Variants in ASB6 observed in about 807,000 individuals in gnomAD.
ASB6 encodes the protein ankyrin repeat and SOCS box containing 6.
A neutral mutation model predicts 28.6 loss-of-function variants in ASB6; 24 were observed. The observed-to-expected ratio is 0.84, with a 90% confidence interval of 0.61 to 1.18. ASB6 has a LOEUF of 1.18. Among genes scored for constraint, ASB6 ranks in the 50% most tolerant of loss-of-function variants. ASB6 has a pLI of 0.00. For missense variants in ASB6, 519 were observed against 559.8 expected, an observed-to-expected ratio of 0.93 and a Z score of 0.74; for synonymous variants, 267 against 243.4, an observed-to-expected ratio of 1.10 and a Z score of -0.90.
chr9:129,642,096 T>C lies in ASB6; in HGVS notation c.-97A>G. 1.4e-6 allele frequency: 2 copies of C among 1,406,254 alleles called. No individual in the cohort carries two copies. The highest frequency in any genetic ancestry group is 1.9e-6 in the Non-Finnish European group (2 of 1,079,410). The allele number at this position is 1,406,254 out of a possible 1,614,324, so 87.1% of individuals were successfully genotyped here. On this transcript the variant is annotated 5_prime_UTR_variant, in exon 1 of 6. Transcript: ENST00000277458. The surrounding 1 kb of genome is among the most constrained non-coding windows in gnomAD (Gnocchi z 4.3). ...CGCTCCGGCGGCCGCGGACCCCACC[T>C]GCTCCGCCAGTCCAGCCCCTGCGCC...
In ASB6 at chr9:129,637,733, C is replaced by T; in HGVS notation, c.*57G>A. ...CCCTCTTCTAATGCTGTCCCAGCATCTACCAACAGGCTGACCTGAGCTGCC... is the reference window on the plus strand; with the variant it reads ...CCCTCTTCTAATGCTGTCCCAGCATTTACCAACAGGCTGACCTGAGCTGCC... On this transcript the variant is annotated 3_prime_UTR_variant, in exon 6 of 6. Coordinates refer to ENST00000277458, the MANE Select transcript of ASB6 (RefSeq NM_017873.4). 2.1e-6 allele frequency: 3 copies of T among 1,436,594 alleles called. No homozygotes were observed. The highest frequency in any genetic ancestry group is 2.8e-6 in the Non-Finnish European group (3 of 1,073,686). 89.0% of individuals were successfully genotyped at this position (1,436,594 alleles called of 1,614,324 possible).
intron 2 of ASB6, among the ~76,000 whole-genome samples, chr9:129,640,287 GA>G (rs1831663927): frequency 6.6e-6 from 1 of 152,250 alleles, no homozygotes; most frequent in Admixed American, 6.5e-5. Flanking sequence ...GGGAGCTGGG[GA>G]AAGTTTGCTA....
chr9:129,640,557 G>A lies in ASB6; in HGVS notation c.279C>T (p.Ala93=). ...RAADVLLRHG[A]NLNFEDPVTY... The stretch of plus-strand genomic sequence containing the variant: ...CTCGCTGACCTTCAAAGTTGAGATT[G>A]GCCCCATGCCGCAAGAGAACGTCGG... Residue 93 remains alanine (A), a synonymous_variant, in exon 2 of 6, where the codon GCC becomes GCT. Transcript: ENST00000277458. 1 of 1,610,086 alleles carries A rather than the reference G, an allele frequency of 6.2e-7. No individual in the cohort carries two copies. Among genetic ancestry groups the A allele is most frequent in the Non-Finnish European group, 8.5e-7 (1 of 1,178,892 alleles).
At position 129,640,568 on chromosome 9, in the gene ASB6, G is replaced by T; in HGVS notation, c.268C>A (p.Arg90=). The change falls in exon 2 of 6, where the codon CGG becomes AGG. Residue 90 remains arginine, a synonymous_variant. Transcript: ENST00000277458. ...GLTRAADVLL[R]HGANLNFEDP... ...TCAAAGTTGAGATTGGCCCCATGCC[G>T]CAAGAGAACGTCGGCCGCCCGCGTC... The T allele has an allele frequency of 6.2e-7, 1 of 1,611,460 alleles. No homozygotes were observed. The highest frequency in any genetic ancestry group is 2.2e-5 in the East Asian group (1 of 44,814).
rs997137728 is a variant in ASB6, at chr9:129,636,344, T to C, written c.*1446A>G. The stretch of plus-strand genomic sequence containing the variant: ...AGGCAGAGCTTGCAGTGAGGTGAGA[T>C]TGCGCCACTGCACTCCAGCCTAGGT... On this transcript the variant is annotated 3_prime_UTR_variant, in exon 6 of 6. Coordinates refer to ENST00000277458, the MANE Select transcript of ASB6 (RefSeq NM_017873.4). The C allele has an allele frequency of 2.7e-5, 4 of 150,652 alleles. No homozygotes were observed. The highest frequency in any genetic ancestry group is 5.9e-5 in the Non-Finnish European group (4 of 67,866). 9.3% of individuals were successfully genotyped at this position (150,652 alleles called of 1,614,324 possible). A position where few individuals can be genotyped will look rare whatever the true frequency, so the allele number is the denominator to read the frequency against.
rs1314264217 is a variant in ASB6, at chr9:129,636,863, CG to C, written c.*926del. 1 of 151,912 alleles carries C rather than the reference CG, an allele frequency of 6.6e-6. No individual in the cohort carries two copies. Among genetic ancestry groups the C allele is most frequent in the Non-Finnish European group, 1.5e-5 (1 of 68,002 alleles). 9.4% of individuals were successfully genotyped at this position (151,912 alleles called of 1,614,324 possible). A position where few individuals can be genotyped will look rare whatever the true frequency, so the allele number is the denominator to read the frequency against. On this transcript the variant is annotated 3_prime_UTR_variant, in exon 6 of 6. Transcript: ENST00000277458. ...GCCTCTATCCTGAACTATGGAGGGG[CG>C]GGGTGGAAATTTTATATAAGGACCT...
In ASB6 at chr9:129,635,468, G is replaced by A. The variant is rs369469508; in HGVS notation, c.*2322C>T. 87 of 1,601,776 alleles carry A rather than the reference G, an allele frequency of 5.4e-5. No individual in the cohort carries two copies. The highest frequency in any genetic ancestry group is 1.7e-4 in the Middle Eastern group (1 of 6,050). ...CTATAGCTTTGCCCTGAGATGAGCC[G>A]GGGCTGGCAGGAGAAACTGAGGAAC... On this transcript the variant is annotated 3_prime_UTR_variant, in exon 6 of 6. Transcript: ENST00000277458.
Position 129,635,718 on chromosome 9 carries a change from G to A in ASB6, c.*2072C>T. ...TGCGAGATGGGATTGGGTGGAAGGG[G>A]CTCCAGGGCTCCTGGTGCTCCCCAT... On this transcript the variant is annotated 3_prime_UTR_variant, in exon 6 of 6. Coordinates refer to ENST00000277458, the MANE Select transcript of ASB6 (RefSeq NM_017873.4). The A allele has an allele frequency of 2.2e-6, 1 of 454,594 alleles. No individual in the cohort carries two copies. The highest frequency in any genetic ancestry group is 3.1e-5 in the South Asian group (1 of 32,774). The allele number at this position is 454,594 out of a possible 1,614,324, so 28.2% of individuals were successfully genotyped here.
chr9:129,637,612 G>C lies in ASB6; in HGVS notation c.*178C>G. ...GGGCAGTCTCTCTGGAAGAACCAGA[G>C]CTGCACCCTTCACCACTGGAGTGAT... On this transcript the variant is annotated 3_prime_UTR_variant, in exon 6 of 6. Transcript: ENST00000277458. 1.8e-6 allele frequency: 1 copy of C among 543,408 alleles called. No individual in the cohort carries two copies. The highest frequency in any genetic ancestry group is 3.0e-6 in the Non-Finnish European group (1 of 335,888). The allele number at this position is 543,408 out of a possible 1,614,324, so 33.7% of individuals were successfully genotyped here. A position where few individuals can be genotyped will look rare whatever the true frequency, so the allele number is the denominator to read the frequency against.
At chr9:129,641,787 G>A (rs546307284) in intron 1 of ASB6, 100 bp downstream of exon 1, 2 of 1,254,466 alleles carry the variant, frequency 1.6e-6, no homozygotes, top group East Asian at 3.1e-5. Flanking sequence ...CCCTTCCTCT[G>A]TCAAGGGGGA....
At chr9:129,639,342 G>C in intron 3 of ASB6, 32 bp from the exon 4 acceptor site, 1 of 1,602,760 alleles carries the variant, frequency 6.2e-7, no homozygotes, top group South Asian at 1.1e-5. Flanking sequence ...AGGTTGGCTT[G>C]GGAAGCTGCT....
chr9:129,639,369 C>G, intron 3 of ASB6, 33 bp downstream of exon 3: 2 of 1,602,022 alleles, frequency 1.2e-6, no homozygotes, highest in Non-Finnish European at 1.7e-6. Context: ...CCTGCCCAAC[C>G]CTGCTTCAAA....
rs377512132 is a variant in ASB6 at position 129,642,123 on chromosome 9, G to T, written c.-124C>A. 5.3e-5 allele frequency: 71 copies of T among 1,340,176 alleles called. No individual in the cohort carries two copies. Among genetic ancestry groups the T allele is most frequent in the Admixed American group, 8.1e-5 (2 of 24,736 alleles). 83.0% of individuals were successfully genotyped at this position (1,340,176 alleles called of 1,614,324 possible). On this transcript the variant is annotated 5_prime_UTR_variant, in exon 1 of 6. Coordinates refer to ENST00000277458, the MANE Select transcript of ASB6 (RefSeq NM_017873.4). The surrounding 1 kb of genome is among the most constrained non-coding windows in gnomAD (Gnocchi z 4.3). ...CTCCGCCAGTCCAGCCCCTGCGCCC[G>T]GCCGGGTCCGCTCCTCAGTCCAAGC...
chr9:129,639,579 C>T (rs1359903387), intron 2 of ASB6, 71 bp from the exon 3 acceptor site: 1 of 1,374,268 alleles, frequency 7.3e-7, no homozygotes, highest in African/African-American at 1.4e-5. Context: ...GACCCAGAGC[C>T]CAGCCCCAAA....
Position 129,638,617 on chromosome 9 carries a change from A to G in ASB6, c.554T>C (p.Val185Ala). The G allele has an allele frequency of 6.2e-7, 1 of 1,613,818 alleles. No individual in the cohort carries two copies. Residue 185 changes from valine to alanine, a missense_variant, in exon 5 of 6, where the codon GTG becomes GCG. By Grantham distance (64) the Val-to-Ala change is moderately conservative. Transcript: ENST00000277458. ...AATGTTCTCAGTATTGTGGATCTGC[A>G]CCCCGTCGCTGCTGGCCAGAGCATG... is the stretch of plus-strand genomic sequence containing the variant. ...LLHALASSDG[V>A]QIHNTENIRL...
In ASB6 at chr9:129,638,027, G is replaced by A. The variant is rs759843312; in HGVS notation, c.1029C>T (p.Pro343=). 3.7e-5 allele frequency: 59 copies of A among 1,613,926 alleles called. No individual in the cohort carries two copies. Among genetic ancestry groups the A allele is most frequent in the Non-Finnish European group, 4.6e-5 (54 of 1,179,980 alleles). The change falls in exon 6 of 6, where the codon CCC becomes CCT. Residue 343 remains proline (P), a synonymous_variant. Transcript: ENST00000277458. The part of the protein sequence containing the change: ...MVTNSQKLQL[P]ENFDIHPVGS... The stretch of plus-strand genomic sequence containing the variant: ...CCACAGGGTGGATATCGAAGTTTTC[G>A]GGCAGCTGGAGTTTCTGAGAGTTGG...
Position 129,638,135 on chromosome 9 carries a change from G to C in ASB6, c.921C>G (p.Leu307=). ...WSGFHIIFER[L]CSHPGCTEDE... is the part of the protein sequence containing the mutation. ...CTTCCGTGCAGCCTGGGTGGGAACAGAGCCTCTCAAAGATGATGTGAAAGC... is the reference window on the plus strand; with the variant it reads ...CTTCCGTGCAGCCTGGGTGGGAACACAGCCTCTCAAAGATGATGTGAAAGC... The change falls in exon 6 of 6, where the codon CTC becomes CTG. Residue 307 remains leucine (L), a synonymous_variant. Coordinates refer to ENST00000277458, the MANE Select transcript of ASB6 (RefSeq NM_017873.4). 6.2e-7 allele frequency: 1 copy of C among 1,614,140 alleles called. No individual in the cohort carries two copies. Among genetic ancestry groups the C allele is most frequent in the Non-Finnish European group, 8.5e-7 (1 of 1,180,026 alleles).
chr9:129,638,360 G>A lies in ASB6; in HGVS notation c.696C>T (p.Ala232=). ...GGAAGCAGAAGCGGTTGATCATCTG[G>A]GCCTCCTCTTTGTCCCCTCCCACGG... The part of the protein sequence containing the change: ...GETVGGDKEE[A]QMINRFCFQV... The change falls in exon 6 of 6, where the codon GCC becomes GCT. Residue 232 remains alanine, a synonymous_variant. Coordinates refer to ENST00000277458, the MANE Select transcript of ASB6 (RefSeq NM_017873.4). 1 of 1,613,312 alleles carries A rather than the reference G, an allele frequency of 6.2e-7. No individual in the cohort carries two copies. Among genetic ancestry groups the A allele is most frequent in the Non-Finnish European group, 8.5e-7 (1 of 1,180,024 alleles).
intron 2 of ASB6, 104 bp from the exon 3 acceptor site, chr9:129,639,612 G>T (rs1366597650): frequency 1.1e-5 from 11 of 996,088 alleles, no homozygotes; most frequent in Admixed American, 9.1e-5. Context: ...GTGTCCAGAA[G>T]CACAGGCCCA....
Sources: gnomAD v4.1 joint callset for allele counts (sites outside exome capture counted in the v4.1 genomes callset) on GRCh38, gnomAD v4.1.1 for gene constraint, Gnocchi (gnomAD v3.1) non-coding constraint, MANE v1.5 for transcripts, NCBI Gene and HGNC (gene_info 2026-07-23, HGNC 2026-07-21) for gene names.